EYS: variants seen among roughly 807,000 people sequenced by gnomAD.
The protein encoded by EYS is EGF-like photoreceptor maintenance factor.
EYS carries 250 observed loss-of-function variants against 282.1 expected under a neutral mutation model. The observed-to-expected ratio is 0.89, with a 90% CI of 0.80 to 0.98. The LOEUF (loss-of-function observed/expected upper bound fraction) is 0.98, where lower values mean the gene tolerates loss of function less well. EYS is among the 50% of genes least tolerant of loss of function. EYS has a pLI of 0.00. For missense variants in EYS, 4,016 were observed against 3,709.0 expected (o/e 1.08, Z -2.15); for synonymous variants, 1,355 against 1,282.9 (o/e 1.06, Z -1.20).
chr6:65,529,770 A>C (rs1582419794), intron 2 of EYS, among the ~76,000 whole-genome samples: 1 of 152,260 alleles, frequency 6.6e-6, no homozygotes, highest in East Asian at 1.9e-4. Context: ...GAATGGGATT[A>C]ATGCCTTTAT....
chr6:64,221,584 A>G (rs1391983009), intron 31 of EYS, among the ~76,000 whole-genome samples: 1 of 152,128 alleles, frequency 6.6e-6, no homozygotes, highest in Admixed American at 6.6e-5. Flanking sequence ...CTGATATTAC[A>G]GTAGTTTTTC....
chr6:64,164,114 A>G (rs1042998018), intron 31 of EYS, among the ~76,000 whole-genome samples: 8 of 151,992 alleles, frequency 5.3e-5, no homozygotes, highest in African/African-American at 1.7e-4. Flanking sequence ...CTGCAGGCAA[A>G]CTCTCAAATG....
At chr6:65,558,455 G>A (rs965260743) in intron 2 of EYS, among the ~76,000 whole-genome samples, 11 of 152,188 alleles carry the variant, frequency 7.2e-5, no homozygotes, top group Non-Finnish European at 1.3e-4. Context: ...GGGGCAGGGG[G>A]TTTCCCAGGA....
intron 8 of EYS, among the ~76,000 whole-genome samples, chr6:65,353,942 G>C (rs995689787): frequency 3.3e-5 from 5 of 151,910 alleles, no homozygotes; most frequent in African/African-American, 1.2e-4. Context: ...TATAAATTAA[G>C]AGATACACCA....
intron 31 of EYS, among the ~76,000 whole-genome samples, chr6:64,157,805 G>C (rs1458423110): frequency 6.6e-6 from 1 of 152,236 alleles, no homozygotes; most frequent in Non-Finnish European, 1.5e-5. Flanking sequence ...GTTTGCTGCA[G>C]GAGTGCGGCA....
chr6:65,243,151 TATTC>T (rs1767096272), intron 12 of EYS, among the ~76,000 whole-genome samples: 1 of 152,244 alleles, frequency 6.6e-6, no homozygotes, highest in African/African-American at 2.4e-5. Flanking sequence ...TGCATTCATT[TATTC>T]ATTCACTTGT....
intron 22 of EYS, among the ~76,000 whole-genome samples, chr6:64,754,506 T>C (rs1341337430): frequency 6.6e-6 from 1 of 152,080 alleles, no homozygotes; most frequent in Non-Finnish European, 1.5e-5. Context: ...ATCAGCTTGA[T>C]ACTGTTGCCA....
intron 5 of EYS, among the ~76,000 whole-genome samples, chr6:65,459,942 CGT>C (rs371551367): frequency 6.6e-5 from 7 of 106,864 alleles, no homozygotes; most frequent in South Asian, 3.1e-4. Flanking sequence ...TTTTCTGGTG[CGT>C]GTGTGTGTGT....
At chr6:64,317,331 T>C (rs1390176890) in intron 29 of EYS, among the ~76,000 whole-genome samples, 1 of 148,752 alleles carries the variant, frequency 6.7e-6, no homozygotes, top group East Asian at 2.0e-4. Context: ...AGAACTTAAA[T>C]TTACAAGAAA....
intron 12 of EYS, among the ~76,000 whole-genome samples, chr6:65,234,852 C>G (rs149761167): frequency 6.6e-6 from 1 of 152,206 alleles, no homozygotes; most frequent in South Asian, 2.1e-4. Flanking sequence ...TACTACATAG[C>G]TAGTGACGTT....
intron 12 of EYS, among the ~76,000 whole-genome samples, chr6:65,204,237 A>G (rs1765972421): frequency 6.6e-6 from 1 of 152,094 alleles, no homozygotes; most frequent in Admixed American, 6.6e-5. Flanking sequence ...TACAGAATGT[A>G]CATTACCAAG....
At chr6:64,196,337 A>C (rs113610123) in intron 31 of EYS, among the ~76,000 whole-genome samples, 1 of 152,104 alleles carries the variant, frequency 6.6e-6, no homozygotes, top group African/African-American at 2.4e-5. Flanking sequence ...TCAGTGTGGC[A>C]ATTCCTCAGG....
chr6:65,286,161 C>T (rs901436884), intron 12 of EYS, among the ~76,000 whole-genome samples: 10 of 151,790 alleles, frequency 6.6e-5, no homozygotes, highest in African/African-American at 1.9e-4. Context: ...ATTTTAATCT[C>T]TATTCTCATT....
intron 11 of EYS, among the ~76,000 whole-genome samples, chr6:65,301,261 C>T (rs1483319843): frequency 6.6e-6 from 1 of 151,848 alleles, no homozygotes; most frequent in Non-Finnish European, 1.5e-5. Context: ...TTTGGGAGGC[C>T]GAGGCGGGCA....
chr6:65,146,878 T>C (rs1051476660), intron 12 of EYS, among the ~76,000 whole-genome samples: 2 of 152,016 alleles, frequency 1.3e-5, no homozygotes, highest in Non-Finnish European at 2.9e-5. Flanking sequence ...AAAAACGTTG[T>C]CAAAGTAAGT....
At chr6:64,660,071 G>C (rs1296973687) in intron 22 of EYS, among the ~76,000 whole-genome samples, 2 of 152,128 alleles carry the variant, frequency 1.3e-5, no homozygotes, top group African/African-American at 4.8e-5. Flanking sequence ...GGGATGCAAG[G>C]CTGGTTCAAC....
intron 22 of EYS, among the ~76,000 whole-genome samples, chr6:64,635,439 G>A (rs1767940642): frequency 6.6e-6 from 1 of 152,118 alleles, no homozygotes; most frequent in African/African-American, 2.4e-5. Flanking sequence ...TGCCCATTCA[G>A]TATGATACTG....
At chr6:64,817,352 T>C (rs955013921) in intron 21 of EYS, among the ~76,000 whole-genome samples, 1 of 152,156 alleles carries the variant, frequency 6.6e-6, no homozygotes, top group Non-Finnish European at 1.5e-5. Context: ...GAATCCACTA[T>C]GTACTAATGA....
At chr6:63,826,846 A>AAAAAAAAAAAAAAAAAAAAGAAAAAAAAC (rs1771479364) in intron 36 of EYS, among the ~76,000 whole-genome samples, 1 of 2,622 alleles carries the variant, frequency 3.8e-4, no homozygotes, top group Non-Finnish European at 7.8e-4. Context: ...GTTAAAAAGC[A>AAAAAAAAAAAAAAAAAAAAGAAAAAAAAC]AAAAAAAAAA....
Sources: allele counts gnomAD v4.1 joint callset (sites outside exome capture counted in the v4.1 genomes callset), GRCh38; gene constraint gnomAD v4.1.1; transcripts MANE v1.5; gene names NCBI Gene and HGNC (gene_info 2026-07-23, HGNC 2026-07-21).